The following AFDN variants were observed in gnomAD, a reference collection of about 807,000 sequenced individuals.
The protein encoded by AFDN is afadin.
In AFDN, 68 loss-of-function variants were observed where a neutral mutation model predicts 216.6. That is an observed-to-expected ratio of 0.31 (90% CI 0.26 to 0.38). The LOEUF is 0.38. AFDN is among the 10% of genes least tolerant of loss of function. The pLI, the probability that AFDN is intolerant of heterozygous loss-of-function variation, is 1.00. For synonymous variants in AFDN, 868 were observed against 853.7 expected (o/e 1.02, Z -0.29); for missense variants, 2,136 against 2,342.0 (o/e 0.91, Z 1.82).
Position 167,827,093 on chromosome 6 carries a change from GGCCCCGGCCCCGCGCGGCTGAGGA to G in AFDN, c.-38_-15del. On this transcript the variant is annotated 5_prime_UTR_variant, in exon 1 of 34. Coordinates refer to ENST00000683244, the MANE Select transcript of AFDN (RefSeq NM_001386888.1). ...ACCTGTCGTCCTCGGCCCGTCCTCC[GGCCCCGGCCCCGCGCGGCTGAGGA>G]GGCGCGGCCAGGACCATGTCGGCGG... 1.8e-6 allele frequency: 2 copies of G among 1,126,266 alleles called. No homozygotes were observed. The highest frequency in any genetic ancestry group is 2.3e-6 in the Non-Finnish European group (2 of 885,480). The allele number at this position is 1,126,266 out of a possible 1,614,324, so 69.8% of individuals were successfully genotyped here. A position where few individuals can be genotyped will look rare whatever the true frequency, so the allele number is the denominator to read the frequency against.
intron 1 of AFDN, chr6:167,827,716 G>C (rs2128048322): frequency 6.6e-6 from 1 of 152,180 alleles, no homozygotes; most frequent in African/African-American, 2.4e-5. Flanking sequence ...CTTGCAGGCT[G>C]CCAGCTGGGA....
At chr6:167,911,861 T>C (rs2295090) in intron 15 of AFDN, 89,496 of 267,918 alleles carry the variant, frequency 0.33, 16,565 homozygotes, top group East Asian at 0.63. Context: ...TTCACAGTGT[T>C]GTGCAGCCAC....
chr6:167,909,383 T>C (rs1790105139), intron 13 of AFDN, among the ~76,000 whole-genome samples: 1 of 151,974 alleles, frequency 6.6e-6, no homozygotes. Flanking sequence ...AAGGTGAGGA[T>C]GGAGGGAAGA....
rs369089600 is a variant in AFDN, at chr6:167,875,318, A to AT, written c.579-8dup. 2,292 of 1,562,804 alleles carry AT rather than the reference A, an allele frequency of 1.5e-3. 36 individuals are homozygous for AT. In the East Asian group the frequency reaches 0.035, roughly 24 times the overall value. ...AAACAGTGTTTAAAATATTTTTGGT[A>AT]TTTTTTTTTCTTACAGTGAAAATTC... On this transcript the variant is annotated splice_polypyrimidine_tract_variant and intron_variant, in intron 4 of 33. Transcript: ENST00000683244.
At position 167,898,442 on chromosome 6, in the gene AFDN, G is replaced by T. The variant is rs1340074074; in HGVS notation, c.1555G>T (p.Val519Phe). 1.1e-5 allele frequency: 17 copies of T among 1,614,148 alleles called. No individual in the cohort carries two copies. The highest frequency in any genetic ancestry group is 1.4e-5 in the Non-Finnish European group (17 of 1,180,020). ...AAGATCTGTGGATGGAGGCCTGATG[G>T]TTAAGGGCCCAAGACATAAACCTGG... ...AKRSVDGGLM[V>F]KGPRHKPGIV... Residue 519 changes from valine to phenylalanine, a missense_variant, in exon 11 of 34, where the codon GTT (valine) becomes TTT (phenylalanine). Around this residue, in one of 8 missense-constraint regions of AFDN, gnomAD observed 817 missense variants for 965.7 expected, o/e 0.85. Transcript: ENST00000683244.
intron 1 of AFDN, among the ~76,000 whole-genome samples, chr6:167,855,690 C>T (rs1256952571): frequency 6.6e-6 from 1 of 152,072 alleles, no homozygotes. Flanking sequence ...GCTGGAATAA[C>T]ATCAGGAATT....
chr6:167,842,480 C>G (rs951099780), intron 1 of AFDN, among the ~76,000 whole-genome samples: 3 of 152,096 alleles, frequency 2.0e-5, no homozygotes, highest in Admixed American at 2.0e-4. Context: ...ACATAATATA[C>G]TTAGCATTTA....
chr6:167,963,778 G>A, intron 31 of AFDN: 1 of 1,062,336 alleles, frequency 9.4e-7, no homozygotes, highest in East Asian at 5.1e-5. Context: ...TTGTGTAATG[G>A]TAAGTCAACA....
At position 167,946,867 on chromosome 6, in the gene AFDN, T is replaced by G. The variant is rs1301321989; in HGVS notation, c.3519T>G (p.Asn1173Lys). The G allele has an allele frequency of 1.2e-6, 2 of 1,612,548 alleles. No homozygotes were observed. The highest frequency in any genetic ancestry group is 1.3e-5 in the African/African-American group (1 of 74,820). ...CTGGTGATGACAGACTGATGAAAAA[T>G]AGAGCTGATCACCGTTCCAGCCCCA... Reference protein sequence around the residue: ...KLPGDDRLMKNRADHRSSPNV... With the variant: ...KLPGDDRLMKKRADHRSSPNV... Residue 1173 changes from asparagine to lysine, a missense_variant, in exon 27 of 34, where the codon AAT (asparagine) becomes AAG (lysine). Physicochemically the swap from Asn to Lys is moderately conservative, Grantham distance 94 (BLOSUM62 0). This residue lies in a region of AFDN where 981 missense variants were observed against 966.0 expected (regional missense o/e 1.02). Transcript: ENST00000683244.
At chr6:167,955,441 C>T (rs1372351301) in intron 30 of AFDN, among the ~76,000 whole-genome samples, 1 of 151,970 alleles carries the variant, frequency 6.6e-6, no homozygotes, top group African/African-American at 2.4e-5. Context: ...AAAAGTTATA[C>T]ATTTTTCTCC....
In AFDN at chr6:167,887,835, T is replaced by G. The variant is rs182543614; in HGVS notation, c.898-1380T>G. On this transcript the variant is annotated intron_variant, in intron 6 of 33. Coordinates refer to ENST00000683244, the MANE Select transcript of AFDN (RefSeq NM_001386888.1). ...TTATCTATTTAATTATTTAATAAATTTTCTCCTTGTTAGATATTATCCTGG... is the reference window on the plus strand; with the variant it reads ...TTATCTATTTAATTATTTAATAAATGTTCTCCTTGTTAGATATTATCCTGG... 3.0e-3 allele frequency among the ~76,000 whole-genome samples: 464 copies of G among 152,286 alleles called. 1 individual carries two copies. Among genetic ancestry groups the G allele is most frequent in the Non-Finnish European group, 5.1e-3 (344 of 68,022 alleles).
intron 6 of AFDN, among the ~76,000 whole-genome samples, chr6:167,882,218 T>C (rs932807893): frequency 1.3e-5 from 2 of 151,664 alleles, no homozygotes; most frequent in South Asian, 2.1e-4. Context: ...AAATAAAAAA[T>C]ATATAAAGTA....
intron 7 of AFDN, 102 bp from the exon 8 acceptor site, chr6:167,890,760 A>T: frequency 9.2e-7 from 1 of 1,084,558 alleles, no homozygotes; most frequent in Non-Finnish European, 1.3e-6. Context: ...TTCCTAAATT[A>T]CATGCATCTT....
In AFDN at chr6:167,962,704, G is replaced by A; in HGVS notation, c.4968+137G>A. The stretch of plus-strand genomic sequence containing the variant: ...AGCAGGGCCTGGCTCCCCCAGCTTT[G>A]TGATTGGACCTGCAACTTTACCCCA... On this transcript the variant is annotated intron_variant, in intron 31 of 33. Transcript: ENST00000683244. The surrounding 1 kb of genome is among the most constrained non-coding windows in gnomAD (Gnocchi z 5.2). 6.5e-7 allele frequency: 1 copy of A among 1,540,396 alleles called. No individual in the cohort carries two copies. The highest frequency in any genetic ancestry group is 8.7e-7 in the Non-Finnish European group (1 of 1,143,916).
At position 167,863,009 on chromosome 6, in the gene AFDN, A is replaced by G. The variant is rs574460186; in HGVS notation, c.106-1542A>G. 5.9e-5 allele frequency among the ~76,000 whole-genome samples: 9 copies of G among 152,322 alleles called. No individual in the cohort carries two copies. In the South Asian group the frequency reaches 1.9e-3, roughly 32 times the overall value. On this transcript the variant is annotated intron_variant, in intron 1 of 33. Coordinates refer to ENST00000683244, the MANE Select transcript of AFDN (RefSeq NM_001386888.1). ...GCACTATAAAGTTTCAGGGCTAGAA[A>G]TGTGCCTTACTGTCTCACTTTTTTG...
intron 31 of AFDN, chr6:167,964,628 G>GTGTGTGTC (rs1377581330): frequency 1.1e-5 from 12 of 1,048,512 alleles, no homozygotes; most frequent in African/African-American, 1.7e-5. Context: ...GTGTGTGTGT[G>GTGTGTGTC]TGTGTGTGTG....
In AFDN at chr6:167,887,385, A is replaced by G. The variant is rs144603121; in HGVS notation, c.898-1830A>G. Among the ~76,000 whole-genome samples the G allele has an allele frequency of 2.2e-3, 330 of 148,670 alleles. 1 individual carries two copies. The highest frequency in any genetic ancestry group is 7.7e-3 in the African/African-American group (304 of 39,520). On this transcript the variant is annotated intron_variant, in intron 6 of 33. Transcript: ENST00000683244. ...CAGTTTTCTTTTGCAAGATTAGGCA[A>G]TACAAATCAGGAGGTAATTATTGTT...
intron 1 of AFDN, among the ~76,000 whole-genome samples, chr6:167,845,263 G>C (rs1781533264): frequency 6.6e-6 from 1 of 152,060 alleles, no homozygotes; most frequent in South Asian, 2.1e-4. Context: ...AATTTTTATG[G>C]AAAATCCTTT....
intron 1 of AFDN, among the ~76,000 whole-genome samples, chr6:167,841,416 C>G (rs1781059340): frequency 6.6e-6 from 1 of 151,582 alleles, no homozygotes; most frequent in African/African-American, 2.4e-5. Flanking sequence ...AGCCTGAGAA[C>G]AAAATATCTT....
Sources: gnomAD v4.1 joint callset for allele counts (sites outside exome capture counted in the v4.1 genomes callset) on GRCh38, gnomAD v4.1.1 for gene constraint, gnomAD v4.1.1 regional missense constraint, Gnocchi (gnomAD v3.1) non-coding constraint, MANE v1.5 for transcripts, NCBI Gene and HGNC (gene_info 2026-07-23, HGNC 2026-07-21) for gene names.